Variants in CYP4F22 observed in about 807,000 individuals in gnomAD.
The protein encoded by CYP4F22 is cytochrome P450 family 4 subfamily F member 22.
CYP4F22 carries 37 observed loss-of-function variants against 60.4 expected under a neutral mutation model. The observed-to-expected ratio is 0.61, with a 90% confidence interval of 0.47 to 0.81. The LOEUF is 0.81. Among genes scored for constraint, CYP4F22 ranks in the 30% least tolerant of loss-of-function variants. The pLI is 0.00. For synonymous variants in CYP4F22, 258 were observed against 280.5 expected (o/e 0.92, Z 0.80); for missense variants, 655 against 715.0 (o/e 0.92, Z 0.96).
At chr19:15,510,966 A>ATATATATATATATATATATATTT (rs34055543) in intron 1 of CYP4F22, among the ~76,000 whole-genome samples, 1 of 103,336 alleles carries the variant, frequency 9.7e-6, no homozygotes, top group Non-Finnish European at 1.8e-5. Flanking sequence ...ATATATATAT[A>ATATATATATATATATATATATTT]TTTTTTTTTT....
At position 15,529,725 on chromosome 19, in the gene CYP4F22, C is replaced by A. The variant is rs116743462; in HGVS notation, c.239C>A (p.Ala80Glu). The stretch of plus-strand genomic sequence containing the variant: ...CTCTTGCAGTACCTTCCAAATGAGG[C>A]GGGCCTTCAAGATGAGAAGAAGGTA... ...GHLGMYLPNE[A>E]GLQDEKKVLD... Residue 80 changes from alanine to glutamate, a missense_variant, in exon 4 of 14, where the codon GCG becomes GAG. Transcript: ENST00000269703. 1 of 1,614,074 alleles carries A rather than the reference C, an allele frequency of 6.2e-7. No homozygotes were observed. Among genetic ancestry groups the A allele is most frequent in the African/African-American group, 1.3e-5 (1 of 75,022 alleles).
chr19:15,530,683 A>G (rs1232587524), intron 4 of CYP4F22, among the ~76,000 whole-genome samples: 1 of 152,158 alleles, frequency 6.6e-6, no homozygotes, highest in Non-Finnish European at 1.5e-5. Context: ...CCTTCTTCAC[A>G]TGGCAGCAGG....
At chr19:15,541,523 T>C (rs562101953) in intron 8 of CYP4F22, among the ~76,000 whole-genome samples, 5 of 149,482 alleles carry the variant, frequency 3.3e-5, no homozygotes, top group African/African-American at 9.8e-5. Context: ...TTAGGACTTA[T>C]GAATTCTAGC....
Position 15,551,577 on chromosome 19 carries a change from G to T in CYP4F22, c.*106G>T. On this transcript the variant is annotated 3_prime_UTR_variant, in exon 14 of 14. Coordinates refer to ENST00000269703, the MANE Select transcript of CYP4F22 (RefSeq NM_173483.4). The stretch of plus-strand genomic sequence containing the variant: ...CATAGGCCACCCCCCTCGAAGTTCA[G>T]GTTCAGCTCCTGGATGACCAGGCAC... 1 of 1,367,386 alleles carries T rather than the reference G, an allele frequency of 7.3e-7. No individual in the cohort carries two copies. Among genetic ancestry groups the T allele is most frequent in the Non-Finnish European group, 9.9e-7 (1 of 1,011,352 alleles). The allele number at this position is 1,367,386 out of a possible 1,614,324, so 84.7% of individuals were successfully genotyped here. A position where few individuals can be genotyped will look rare whatever the true frequency, so the allele number is the denominator to read the frequency against.
At chr19:15,515,119 G>T (rs878864482) in intron 1 of CYP4F22, among the ~76,000 whole-genome samples, 2 of 152,152 alleles carry the variant, frequency 1.3e-5, no homozygotes, top group African/African-American at 4.8e-5. Flanking sequence ...CTGGTATTGC[G>T]TAGGGACAGC....
At chr19:15,540,835 AGC>A in intron 8 of CYP4F22, 118 bp downstream of exon 8, 1 of 1,355,162 alleles carries the variant, frequency 7.4e-7, no homozygotes, top group Non-Finnish European at 1.0e-6. Context: ...GTGTAATCCC[AGC>A]GCTTTGGGAG....
chr19:15,518,576 G>C (rs1218274056), intron 1 of CYP4F22, among the ~76,000 whole-genome samples: 1 of 149,370 alleles, frequency 6.7e-6, no homozygotes, highest in East Asian at 1.9e-4. Flanking sequence ...GTGAACCCGG[G>C]GAGCGGAGTT....
At chr19:15,524,680 G>GAA (rs1555727641) in intron 2 of CYP4F22, among the ~76,000 whole-genome samples, 5 of 149,008 alleles carry the variant, frequency 3.4e-5, no homozygotes, top group African/African-American at 5.0e-5. Context: ...GAGAGAGAGA[G>GAA]AGAAAGAAAG....
chr19:15,529,409 G>A (rs905233447), intron 3 of CYP4F22, among the ~76,000 whole-genome samples: 1 of 152,128 alleles, frequency 6.6e-6, no homozygotes, highest in African/African-American at 2.4e-5. Flanking sequence ...GATTACAGAT[G>A]TGAGCCACTA....
intron 1 of CYP4F22, among the ~76,000 whole-genome samples, chr19:15,513,362 T>C (rs1485224112): frequency 1.3e-5 from 1 of 75,232 alleles, no homozygotes; most frequent in African/African-American, 6.2e-5. Context: ...TATATATATA[T>C]TTTTTTTTTT....
intron 1 of CYP4F22, among the ~76,000 whole-genome samples, chr19:15,520,471 C>A (rs1420201034): frequency 3.3e-5 from 5 of 150,236 alleles, no homozygotes; most frequent in African/African-American, 7.3e-5. Context: ...GTTTTACTTG[C>A]ATTCCATGAG....
intron 10 of CYP4F22, among the ~76,000 whole-genome samples, chr19:15,547,809 C>T (rs528145184): frequency 4.1e-5 from 6 of 146,816 alleles, no homozygotes; most frequent in Admixed American, 2.1e-4. Flanking sequence ...GCAACAAGAG[C>T]GAAACTCGGT....
chr19:15,540,843 G>A (rs865774041), intron 8 of CYP4F22, 126 bp downstream of exon 8: 1 of 1,222,316 alleles, frequency 8.2e-7, no homozygotes, highest in South Asian at 1.4e-5. Flanking sequence ...CCAGCGCTTT[G>A]GGAGGCCAAG....
At position 15,551,496 on chromosome 19, in the gene CYP4F22, C is replaced by T. The variant is rs1383724593; in HGVS notation, c.*25C>T. On this transcript the variant is annotated 3_prime_UTR_variant, in exon 14 of 14. Coordinates refer to ENST00000269703, the MANE Select transcript of CYP4F22 (RefSeq NM_173483.4). Reference sequence around the variant, plus strand: ...AGCGTGGGCGCGCCCCTGCGGCTCCCGAGGGTCCAGGCCCCGCCCCCAAAG... The same window carrying T: ...AGCGTGGGCGCGCCCCTGCGGCTCCTGAGGGTCCAGGCCCCGCCCCCAAAG... 9 of 1,546,084 alleles carry T rather than the reference C, an allele frequency of 5.8e-6. No individual in the cohort carries two copies. The highest frequency in any genetic ancestry group is 2.7e-5 in the African/African-American group (2 of 72,924).
intron 8 of CYP4F22, among the ~76,000 whole-genome samples, chr19:15,541,032 G>A (rs550654098): frequency 1.2e-3 from 180 of 152,186 alleles, no homozygotes; most frequent in Non-Finnish European, 1.7e-3. Context: ...AGTGAGCTAT[G>A]ATGGTGCCAC....
chr19:15,542,254 G>A (rs552852738), intron 8 of CYP4F22, among the ~76,000 whole-genome samples: 9 of 151,992 alleles, frequency 5.9e-5, no homozygotes, highest in South Asian at 2.1e-4. Context: ...AGGATAAGCC[G>A]GGCGCAGTGG....
At chr19:15,520,502 C>G (rs2144505906) in intron 1 of CYP4F22, among the ~76,000 whole-genome samples, 1 of 150,936 alleles carries the variant, frequency 6.6e-6, no homozygotes, top group Middle Eastern at 3.4e-3. Flanking sequence ...CCAGCGTAAA[C>G]AATGAATGGA....
In CYP4F22 at chr19:15,529,842, T is replaced by G. The variant is rs1317674050; in HGVS notation, c.356T>G (p.Leu119Trp). 6.2e-7 allele frequency: 1 copy of G among 1,613,950 alleles called. No homozygotes were observed. Reference sequence around the variant, plus strand: ...CACCCTGATTACATCAAACCCCTTTTGGGAGCCTCAGGTACGTGGGCTGGG... The same window carrying G: ...CACCCTGATTACATCAAACCCCTTTGGGGAGCCTCAGGTACGTGGGCTGGG... ...LVHPDYIKPLLGASAAIAPKD... is the reference protein window; with the variant it reads ...LVHPDYIKPLWGASAAIAPKD... The change falls in exon 4 of 14, where the codon TTG becomes TGG. Residue 119 changes from leucine to tryptophan, a missense_variant. By Grantham distance (61) the Leu-to-Trp change is moderately conservative. Transcript: ENST00000269703.
intron 1 of CYP4F22, among the ~76,000 whole-genome samples, chr19:15,521,766 G>C (rs929723840): frequency 3.3e-5 from 5 of 152,156 alleles, no homozygotes; most frequent in African/African-American, 1.2e-4. Context: ...GAACAACTGG[G>C]CTCAAGCAAT....
Sources: gnomAD v4.1 joint callset for allele counts (sites outside exome capture counted in the v4.1 genomes callset) on GRCh38, gnomAD v4.1.1 for gene constraint, MANE v1.5 for transcripts, NCBI Gene and HGNC (gene_info 2026-07-23, HGNC 2026-07-21) for gene names.